ZBTB20: variants seen among roughly 807,000 people sequenced by gnomAD.
The protein encoded by ZBTB20 is zinc finger and BTB domain-containing protein 20.
ZBTB20 carries 9 observed loss-of-function variants against 56.9 expected under a neutral mutation model. The observed-to-expected ratio is 0.16, with a 90% CI of 0.10 to 0.28. The LOEUF (loss-of-function observed/expected upper bound fraction) is 0.28, where lower values mean the gene tolerates loss of function less well. Ranked by LOEUF, ZBTB20 falls within the 10% of genes least tolerant of loss-of-function variation. The pLI is 1.00. For missense variants in ZBTB20, 655 were observed against 1,003.0 expected (o/e 0.65, Z 4.69); for synonymous variants, 417 against 420.7 (o/e 0.99, Z 0.11).
At chr3:114,552,177 A>G (rs959551149) in intron 6 of ZBTB20, among the ~76,000 whole-genome samples, 1 of 152,152 alleles carries the variant, frequency 6.6e-6, no homozygotes, top group African/African-American at 2.4e-5. Context: ...TTGTCATTGC[A>G]CTCCAGCCTG....
rs149755495 is a variant in ZBTB20, at chr3:114,422,130, T to A, written c.-254-33025A>T. Among the ~76,000 whole-genome samples, 4 of 152,316 alleles carry A rather than the reference T, an allele frequency of 2.6e-5. No individual in the cohort carries two copies. In the East Asian group the frequency reaches 5.8e-4, roughly 22 times the overall value. ...TCAGCTCTTCTGTCTCACTACGGCATGATAGAGGGTAAAATGAAGAGAAAT... is the reference window on the plus strand; with the variant it reads ...TCAGCTCTTCTGTCTCACTACGGCAAGATAGAGGGTAAAATGAAGAGAAAT... On this transcript the variant is annotated intron_variant, in intron 7 of 11. Coordinates refer to ENST00000675478, the MANE Select transcript of ZBTB20 (RefSeq NM_001348800.3).
At chr3:114,393,057 T>C (rs2086022170) in intron 7 of ZBTB20, among the ~76,000 whole-genome samples, 1 of 152,216 alleles carries the variant, frequency 6.6e-6, no homozygotes, top group African/African-American at 2.4e-5. Context: ...CCTTGGTAGG[T>C]AGCATTAATC....
intron 2 of ZBTB20, among the ~76,000 whole-genome samples, chr3:115,045,496 A>G (rs554736097): frequency 1.3e-5 from 2 of 152,062 alleles, no homozygotes; most frequent in East Asian, 3.9e-4. Flanking sequence ...CCTTTCTACA[A>G]TTAATTTATT....
chr3:114,963,543 G>A (rs1304149609), intron 3 of ZBTB20, among the ~76,000 whole-genome samples: 1 of 152,104 alleles, frequency 6.6e-6, no homozygotes, highest in African/African-American at 2.4e-5. Flanking sequence ...TTCCAAACAG[G>A]TCCATGTAAA....
At chr3:114,471,779 C>G (rs1040369939) in intron 7 of ZBTB20, among the ~76,000 whole-genome samples, 4 of 152,116 alleles carry the variant, frequency 2.6e-5, no homozygotes, top group Admixed American at 6.5e-5. Flanking sequence ...ATTAACTGAA[C>G]AGGGGAAAGA....
intron 1 of ZBTB20, among the ~76,000 whole-genome samples, chr3:115,129,200 T>A (rs191531457): frequency 6.5e-4 from 99 of 152,326 alleles, no homozygotes; most frequent in Non-Finnish European, 1.1e-3. Flanking sequence ...ACATATTTTT[T>A]AAGAATATTT....
intron 6 of ZBTB20, among the ~76,000 whole-genome samples, chr3:114,620,916 G>C (rs990080942): frequency 6.6e-6 from 1 of 152,222 alleles, no homozygotes; most frequent in Admixed American, 6.5e-5. Flanking sequence ...GATATGATTT[G>C]GCTGATCTTG....
intron 7 of ZBTB20, among the ~76,000 whole-genome samples, chr3:114,399,468 C>T (rs1314523610): frequency 2.0e-5 from 3 of 152,056 alleles, no homozygotes; most frequent in Non-Finnish European, 4.4e-5. Flanking sequence ...AGTTAAAATT[C>T]GTAACAGTGT....
At chr3:114,676,063 T>C (rs1383376184) in intron 6 of ZBTB20, among the ~76,000 whole-genome samples, 1 of 152,118 alleles carries the variant, frequency 6.6e-6, no homozygotes, top group African/African-American at 2.4e-5. Context: ...AGTCAGTAAG[T>C]AGAGGAGTCA....
At position 114,964,252 on chromosome 3, in the gene ZBTB20, CAAAAATACA is replaced by C. The variant is rs1411354482; in HGVS notation, c.-456+10105_-456+10113del. ...CAACATGGTGAAACCCCGTCTCTAC[CAAAAATACA>C]AAAATTAGCCAGGTGTGGTGGAGCA... On this transcript the variant is annotated intron_variant, in intron 3 of 11. Transcript: ENST00000675478. Among the ~76,000 whole-genome samples the C allele has an allele frequency of 7.2e-5, 11 of 151,888 alleles. No individual in the cohort carries two copies. In the East Asian group the frequency reaches 1.7e-3, roughly 24 times the overall value.
intron 7 of ZBTB20, among the ~76,000 whole-genome samples, chr3:114,453,986 C>T (rs1419703861): frequency 8.6e-5 from 11 of 127,260 alleles, no homozygotes; most frequent in East Asian, 7.9e-4. Context: ...GCTGAAAAAT[C>T]CCCGGGCAGC....
At chr3:114,981,491 T>C (rs1338529718) in intron 2 of ZBTB20, among the ~76,000 whole-genome samples, 1 of 152,100 alleles carries the variant, frequency 6.6e-6, no homozygotes, top group Non-Finnish European at 1.5e-5. Context: ...TTTCTTCCTA[T>C]ATTTTTGTAA....
intron 1 of ZBTB20, among the ~76,000 whole-genome samples, chr3:115,119,514 T>C (rs1458965676): frequency 1.3e-5 from 2 of 152,152 alleles, no homozygotes; most frequent in South Asian, 2.1e-4. Context: ...GTATAATATA[T>C]CTTATAGATG....
intron 1 of ZBTB20, among the ~76,000 whole-genome samples, chr3:115,117,117 G>A (rs561921960): frequency 7.2e-5 from 11 of 152,172 alleles, no homozygotes; most frequent in African/African-American, 2.6e-4. Context: ...ACTCTCCAGA[G>A]CTTTTGAAAA....
In ZBTB20 at chr3:114,343,209, C is replaced by T. The variant is rs562515932; in HGVS notation, c.1805-3783G>A. Among the ~76,000 whole-genome samples, 3 of 151,764 alleles carry T rather than the reference C, an allele frequency of 2.0e-5. No individual in the cohort carries two copies. In the East Asian group the frequency reaches 5.8e-4, roughly 29 times the overall value. On this transcript the variant is annotated intron_variant, in intron 11 of 11. Transcript: ENST00000675478. Reference sequence around the variant, plus strand: ...AAGATGCAGAGGGTTCTGCCTGAAGCTCACAAAGTTCAAGTAAAAGCCATC... The same window carrying T: ...AAGATGCAGAGGGTTCTGCCTGAAGTTCACAAAGTTCAAGTAAAAGCCATC...
At chr3:115,003,206 G>C (rs1217565785) in intron 2 of ZBTB20, among the ~76,000 whole-genome samples, 1 of 151,538 alleles carries the variant, frequency 6.6e-6, no homozygotes, top group Non-Finnish European at 1.5e-5. Flanking sequence ...TAATTTGTAT[G>C]ATATTATGAT....
intron 6 of ZBTB20, among the ~76,000 whole-genome samples, chr3:114,634,089 G>A (rs2059122852): frequency 1.3e-5 from 2 of 152,040 alleles, no homozygotes; most frequent in South Asian, 2.1e-4. Flanking sequence ...AAATGAGATC[G>A]CACAATTTTA....
intron 6 of ZBTB20, among the ~76,000 whole-genome samples, chr3:114,635,898 A>T (rs753953043): frequency 6.6e-6 from 1 of 152,026 alleles, no homozygotes; most frequent in Non-Finnish European, 1.5e-5. Context: ...AATAATGGTA[A>T]GGAACTTCCC....
At chr3:114,826,124 G>C (rs1465833226) in intron 4 of ZBTB20, among the ~76,000 whole-genome samples, 1 of 151,596 alleles carries the variant, frequency 6.6e-6, no homozygotes, top group African/African-American at 2.4e-5. Context: ...ACAATAATAT[G>C]AATGAAGGAA....
Sources: gnomAD v4.1 joint callset for allele counts (sites outside exome capture counted in the v4.1 genomes callset) on GRCh38, gnomAD v4.1.1 for gene constraint, MANE v1.5 for transcripts, NCBI Gene and HGNC (gene_info 2026-07-23, HGNC 2026-07-21) for gene names.